Variants in HIP1R observed in about 807,000 individuals in gnomAD.
The protein encoded by HIP1R is huntingtin interacting protein 1 related.
Under a neutral mutation model 144.2 loss-of-function variants are expected in HIP1R, and 135 were observed. That is an observed-to-expected ratio of 0.94 (90% CI 0.81 to 1.08). The LOEUF (loss-of-function observed/expected upper bound fraction) is 1.08. Among genes scored for constraint, HIP1R ranks in the 50% least tolerant of loss-of-function variants. HIP1R has a pLI of 0.00. For synonymous variants in HIP1R, 698 were observed against 612.8 expected (o/e 1.14, Z -2.05); for missense variants, 1,462 against 1,432.8 (o/e 1.02, Z -0.33).
In HIP1R at chr12:122,861,755, C is replaced by A. The variant is rs547989990; in HGVS notation, c.*2C>A. 1.2e-6 allele frequency: 2 copies of A among 1,613,488 alleles called. No homozygotes were observed. Among genetic ancestry groups the A allele is most frequent in the Admixed American group, 3.3e-5 (2 of 59,984 alleles). On this transcript the variant is annotated 3_prime_UTR_variant, in exon 32 of 32. Transcript: ENST00000253083. ...CCAGCTCAACTCGTGAACTACTAGGCCCCCCAGGGGTCCAGCAGGGTGGCT... is the reference window on the plus strand; with the variant it reads ...CCAGCTCAACTCGTGAACTACTAGGACCCCCAGGGGTCCAGCAGGGTGGCT...
At chr12:122,843,829 C>T (rs765515476) in intron 1 of HIP1R, among the ~76,000 whole-genome samples, 4 of 152,196 alleles carry the variant, frequency 2.6e-5, no homozygotes, top group Non-Finnish European at 4.4e-5. Flanking sequence ...CAAGGTGTCT[C>T]ACGGCGCTGT....
intron 1 of HIP1R, among the ~76,000 whole-genome samples, chr12:122,844,564 C>A (rs188249712): frequency 6.6e-6 from 1 of 152,344 alleles, no homozygotes; most frequent in Non-Finnish European, 1.5e-5. Context: ...ATCACTGCAT[C>A]CCCTGCAGAG....
At chr12:122,849,816 T>G in intron 4 of HIP1R, 59 bp from the exon 5 acceptor site, 1 of 1,270,714 alleles carries the variant, frequency 7.9e-7, no homozygotes, top group South Asian at 1.2e-5. Context: ...CCCAGGTCCT[T>G]GAGGACTCTT....
chr12:122,843,853 A>ATTGTT (rs1189721562), intron 1 of HIP1R, among the ~76,000 whole-genome samples: 2 of 151,886 alleles, frequency 1.3e-5, no homozygotes, highest in Non-Finnish European at 2.9e-5. Context: ...ACTCTCTATT[A>ATTGTT]TTGTTTTGTT....
intron 18 of HIP1R, 114 bp from the exon 19 acceptor site, chr12:122,857,988 C>T (rs1009224515): frequency 1.1e-6 from 1 of 882,450 alleles, no homozygotes. Flanking sequence ...CCCCCCTGAC[C>T]AGTGAGGGTC....
chr12:122,841,842 T>C (rs1227948273), intron 1 of HIP1R, among the ~76,000 whole-genome samples: 1 of 151,942 alleles, frequency 6.6e-6, no homozygotes, highest in African/African-American at 2.4e-5. Context: ...TGGCAGTGGG[T>C]CAGGCGGCAA....
In HIP1R at chr12:122,835,471, G is replaced by C; in HGVS notation, c.-80G>C. 1 of 1,183,400 alleles carries C rather than the reference G, an allele frequency of 8.5e-7. No individual in the cohort carries two copies. The highest frequency in any genetic ancestry group is 1.0e-6 in the Non-Finnish European group (1 of 955,958). 73.3% of individuals were successfully genotyped at this position (1,183,400 alleles called of 1,614,324 possible). A position where few individuals can be genotyped will look rare whatever the true frequency, so the allele number is the denominator to read the frequency against. ...CCGGGCGCGGCGCGGTGGCCTCGCG[G>C]TGCCTAGGCTGGGGCTGCCGGACCG... is the stretch of plus-strand genomic sequence containing the variant. On this transcript the variant is annotated 5_prime_UTR_variant, in exon 1 of 32. Transcript: ENST00000253083.
At chr12:122,837,336 T>A (rs1400269765) in intron 1 of HIP1R, among the ~76,000 whole-genome samples, 2 of 150,774 alleles carry the variant, frequency 1.3e-5, no homozygotes, top group South Asian at 4.2e-4. Context: ...TTTTTTTTTT[T>A]AAAGACAGAG....
At chr12:122,856,599 C>T in intron 16 of HIP1R, 26 bp from the exon 17 acceptor site, 1 of 1,599,182 alleles carries the variant, frequency 6.3e-7, no homozygotes, top group Non-Finnish European at 8.5e-7. Context: ...AGCCCACTGC[C>T]CCAGTGACAC....
At chr12:122,850,779 G>A (rs1479320886) in intron 5 of HIP1R, 56 bp from the exon 6 acceptor site, 24 of 1,343,474 alleles carry the variant, frequency 1.8e-5, no homozygotes, top group African/African-American at 3.2e-5. Context: ...TTCGGTGGCC[G>A]CCAGGTGTGG....
intron 3 of HIP1R, 72 bp from the exon 4 acceptor site, chr12:122,848,724 G>A: frequency 1.2e-6 from 2 of 1,601,662 alleles, no homozygotes; most frequent in Non-Finnish European, 1.7e-6. Context: ...GCCTCGGGTG[G>A]GGAGTGCGTG....
Position 122,860,039 on chromosome 12 carries a change from T to C in HIP1R, c.2466-8T>C. ...AGCGGCAGCTAAGTCTCTCCTTCTCTCCCCCAGGATCCTCAACTCCTGCAC... is the reference window on the plus strand; with the variant it reads ...AGCGGCAGCTAAGTCTCTCCTTCTCCCCCCCAGGATCCTCAACTCCTGCAC... On this transcript the variant is annotated splice_polypyrimidine_tract_variant and splice_region_variant and intron_variant, in intron 24 of 31. Coordinates refer to ENST00000253083, the MANE Select transcript of HIP1R (RefSeq NM_003959.3). 1 of 1,551,216 alleles carries C rather than the reference T, an allele frequency of 6.4e-7. No homozygotes were observed. Among genetic ancestry groups the C allele is most frequent in the Non-Finnish European group, 8.7e-7 (1 of 1,149,732 alleles).
chr12:122,842,596 C>T (rs12426809), intron 1 of HIP1R, among the ~76,000 whole-genome samples: 121,590 of 152,152 alleles, frequency 0.8, 49,575 homozygotes, highest in Middle Eastern at 0.9. Flanking sequence ...CAGACAACTC[C>T]GGAGCCTCCT....
chr12:122,835,343 G>T, upstream of HIP1R: 1 of 971,926 alleles, frequency 1.0e-6, no homozygotes, highest in Non-Finnish European at 1.3e-6. Flanking sequence ...GGGGGCGGGC[G>T]AGGCGTTTGC....
chr12:122,850,995 A>G (rs1177732166), intron 6 of HIP1R, 84 bp downstream of exon 6: 68 of 1,239,384 alleles, frequency 5.5e-5, no homozygotes, highest in Non-Finnish European at 7.3e-5. Flanking sequence ...AGGCGTCCGC[A>G]TGGGGCAGTG....
intron 30 of HIP1R, 52 bp from the exon 31 acceptor site, chr12:122,861,256 A>G: frequency 6.2e-7 from 1 of 1,612,948 alleles, no homozygotes; most frequent in Non-Finnish European, 8.5e-7. Flanking sequence ...TGGACCCAGG[A>G]GAGAGCTCCC....
At chr12:122,861,598 G>A in intron 31 of HIP1R, 84 bp downstream of exon 31, 1 of 1,566,060 alleles carries the variant, frequency 6.4e-7, no homozygotes, top group South Asian at 1.1e-5. Flanking sequence ...ACGTCCCTGG[G>A]GAAGTCAGGG....
intron 1 of HIP1R, 38 bp downstream of exon 1, chr12:122,835,681 G>GGC (rs1308807816): frequency 2.5e-4 from 272 of 1,078,904 alleles, no homozygotes; most frequent in Non-Finnish European, 3.0e-4. Context: ...GGGCGGCGGC[G>GGC]GGCGGGCGGG....
chr12:122,856,421 T>A lies in HIP1R; in HGVS notation c.1402-11T>A. On this transcript the variant is annotated splice_polypyrimidine_tract_variant and intron_variant, in intron 15 of 31. Coordinates refer to ENST00000253083, the MANE Select transcript of HIP1R (RefSeq NM_003959.3). ...GGCAGCAGAGCATGAGCCCTTCCCC[T>A]GCCCATGCAGAACGCGGACACAGCC... is the stretch of plus-strand genomic sequence containing the variant. 6.2e-7 allele frequency: 1 copy of A among 1,601,080 alleles called. No individual in the cohort carries two copies. Among genetic ancestry groups the A allele is most frequent in the Non-Finnish European group, 8.5e-7 (1 of 1,173,746 alleles).
Sources: gnomAD v4.1 joint callset for allele counts (sites outside exome capture counted in the v4.1 genomes callset) on GRCh38, gnomAD v4.1.1 for gene constraint, MANE v1.5 for transcripts, NCBI Gene and HGNC (gene_info 2026-07-23, HGNC 2026-07-21) for gene names.